SLC12A7: variants seen among roughly 807,000 people sequenced by gnomAD.
SLC12A7 encodes the protein K-Cl cotransporter 4.
In SLC12A7, 100 loss-of-function variants were observed where a neutral mutation model predicts 120.6. That is an observed-to-expected ratio of 0.83 (90% CI 0.71 to 0.98). SLC12A7 has a LOEUF of 0.98. Ranked by LOEUF, SLC12A7 falls within the 50% of genes least tolerant of loss-of-function variation. SLC12A7 has a pLI of 0.00. For missense variants in SLC12A7, 1,373 were observed against 1,548.1 expected, an observed-to-expected ratio of 0.89 and a Z score of 1.90; for synonymous variants, 760 against 678.0, an observed-to-expected ratio of 1.12 and a Z score of -1.88.
chr5:1,100,849 G>A (rs370407861), intron 1 of SLC12A7, among the ~76,000 whole-genome samples: 3 of 152,228 alleles, frequency 2.0e-5, no homozygotes, highest in South Asian at 4.1e-4. Context: ...GAGGCAGCGT[G>A]GGAACTTGGT....
chr5:1,113,358 T>C (rs1743180415), upstream of SLC12A7, among the ~76,000 whole-genome samples: 1 of 152,160 alleles, frequency 6.6e-6, no homozygotes. Flanking sequence ...GGCTGTGGGA[T>C]CACCGGGCTC....
At position 1,088,327 on chromosome 5, in the gene SLC12A7, C is replaced by T. The variant is rs961321438; in HGVS notation, c.523G>A (p.Ala175Thr). 3.2e-6 allele frequency: 5 copies of T among 1,587,228 alleles called. No homozygotes were observed. The highest frequency in any genetic ancestry group is 1.8e-5 in the Admixed American group (1 of 55,834). The change falls in exon 5 of 24, where the codon GCT becomes ACT. Residue 175 changes from alanine to threonine, a missense_variant. Transcript: ENST00000264930. ...MLTAISMSAI[A>T]TNGVVPAGGS... ...TTACCTGGGACCACACCGTTGGTAG[C>T]GATCGCACTCATGGAAATGGCGGTC...
intron 5 of SLC12A7, among the ~76,000 whole-genome samples, chr5:1,087,641 G>A (rs971516694): frequency 8.5e-5 from 13 of 152,242 alleles, no homozygotes; most frequent in African/African-American, 1.7e-4. Context: ...GGGGAAGTCC[G>A]CTGAGCACCA....
At chr5:1,067,599 C>T (rs1737191319) in intron 17 of SLC12A7, among the ~76,000 whole-genome samples, 1 of 152,262 alleles carries the variant, frequency 6.6e-6, no homozygotes. Context: ...TGAGGGCCTC[C>T]AAGTGCTGGA....
chr5:1,137,787 C>T, the SLC12A7 span, among the ~76,000 whole-genome samples: 1 of 152,246 alleles, frequency 6.6e-6, no homozygotes. Flanking sequence ...AACCCTTGGT[C>T]TGGCTGGCGG....
At chr5:1,086,753 G>T in intron 6 of SLC12A7, 150 bp downstream of exon 6, 2 of 1,081,752 alleles carry the variant, frequency 1.8e-6, no homozygotes, top group Non-Finnish European at 2.7e-6. Flanking sequence ...TTCCGCCATG[G>T]CCAGAGCCCA....
At chr5:1,084,724 C>T (rs574363551) in intron 7 of SLC12A7, among the ~76,000 whole-genome samples, 42 of 152,248 alleles carry the variant, frequency 2.8e-4, no homozygotes, top group East Asian at 1.6e-3. Context: ...ACGGCAAAAC[C>T]GCGGGAGCCT....
chr5:1,117,644 C>T, the SLC12A7 span, among the ~76,000 whole-genome samples: 1 of 152,212 alleles, frequency 6.6e-6, no homozygotes, highest in African/African-American at 2.4e-5. This position sits in a 1 kb window ranked among gnomAD's most constrained non-coding sequence, Gnocchi z 4.5. Flanking sequence ...TAGACTGGCT[C>T]ATCTGATCTT....
At chr5:1,090,553 T>C (rs537052730) in intron 3 of SLC12A7, among the ~76,000 whole-genome samples, 32 of 152,138 alleles carry the variant, frequency 2.1e-4, no homozygotes, top group East Asian at 3.9e-4. Context: ...GACATTCTCA[T>C]TGGATAAAAC....
At chr5:1,146,508 T>C in the SLC12A7 span, among the ~76,000 whole-genome samples, 1 of 152,170 alleles carries the variant, frequency 6.6e-6, no homozygotes. The surrounding 1 kb of genome is among the most constrained non-coding windows in gnomAD (Gnocchi z 6.5). Flanking sequence ...ACCGTCTGGA[T>C]GGACCCCTCC....
the SLC12A7 span, among the ~76,000 whole-genome samples, chr5:1,117,472 T>G: frequency 6.6e-6 from 1 of 152,140 alleles, no homozygotes; most frequent in African/African-American, 2.4e-5. The surrounding 1 kb of genome is among the most constrained non-coding windows in gnomAD (Gnocchi z 4.5). Context: ...CTTTGTAGGA[T>G]TAACAAATTA....
chr5:1,111,673 G>A (rs967276080), intron 1 of SLC12A7, among the ~76,000 whole-genome samples, 195 bp downstream of exon 1: 1 of 152,162 alleles, frequency 6.6e-6, no homozygotes, highest in African/African-American at 2.4e-5. Flanking sequence ...GCCCTGGCAG[G>A]GCCCCTCGCC....
At chr5:1,094,117 G>A (rs747828450) in intron 2 of SLC12A7, 37 bp downstream of exon 2, 82 of 1,550,710 alleles carry the variant, frequency 5.3e-5, no homozygotes, top group Admixed American at 1.8e-4. Flanking sequence ...TCAAAGCAAC[G>A]GCCCTGGCAC....
chr5:1,053,801 C>T (rs758958127), intron 22 of SLC12A7, among the ~76,000 whole-genome samples: 5 of 152,256 alleles, frequency 3.3e-5, no homozygotes, highest in Non-Finnish European at 5.9e-5. Flanking sequence ...ACTACATCTA[C>T]ATCTGCAAAG....
intron 20 of SLC12A7, 28 bp from the exon 21 acceptor site, chr5:1,060,479 C>G: frequency 6.5e-7 from 1 of 1,550,290 alleles, no homozygotes; most frequent in Non-Finnish European, 8.9e-7. Context: ...ACGTAGTAAG[C>G]CCGGTGTGCA....
intron 4 of SLC12A7, 137 bp from the exon 5 acceptor site, chr5:1,088,497 G>T: frequency 3.2e-6 from 3 of 941,664 alleles, no homozygotes; most frequent in African/African-American, 1.6e-5. Flanking sequence ...TCTCAATGGA[G>T]TGGCTAGGAA....
chr5:1,139,625 GC>G, the SLC12A7 span, among the ~76,000 whole-genome samples: 1 of 152,358 alleles, frequency 6.6e-6, no homozygotes, highest in South Asian at 2.1e-4. Context: ...AGGCAGAGTG[GC>G]CCCCATGTTC....
the SLC12A7 span, among the ~76,000 whole-genome samples, chr5:1,139,570 C>A: frequency 6.6e-6 from 1 of 152,234 alleles, no homozygotes; most frequent in African/African-American, 2.4e-5. Context: ...GCCTCGAGAA[C>A]TGTTTGGGCA....
chr5:1,087,640 C>T (rs146713449), intron 5 of SLC12A7, among the ~76,000 whole-genome samples: 2 of 152,218 alleles, frequency 1.3e-5, no homozygotes, highest in Admixed American at 6.5e-5. Context: ...CGGGGAAGTC[C>T]GCTGAGCACC....
Sources: allele counts gnomAD v4.1 joint callset (sites outside exome capture counted in the v4.1 genomes callset), GRCh38; gene constraint gnomAD v4.1.1; non-coding constraint Gnocchi (gnomAD v3.1); transcripts MANE v1.5; gene names NCBI Gene and HGNC (gene_info 2026-07-23, HGNC 2026-07-21).